Variants in PRICKLE2 observed in about 807,000 individuals in gnomAD.
PRICKLE2 encodes the protein prickle planar cell polarity protein 2.
Under a neutral mutation model 81.4 loss-of-function variants are expected in PRICKLE2, and 21 were observed. The ratio of observed to expected loss-of-function variants is 0.26; its 90% CI spans 0.18 to 0.37. The LOEUF is 0.37. Among genes scored for constraint, PRICKLE2 ranks in the 10% least tolerant of loss-of-function variants. PRICKLE2 has a pLI of 1.00. For missense variants in PRICKLE2, 940 were observed against 1,109.0 expected (o/e 0.85, Z 2.16); for synonymous variants, 456 against 421.5 (o/e 1.08, Z -1.00).
At chr3:64,220,320 G>T (rs189572592) in intron 1 of PRICKLE2, among the ~76,000 whole-genome samples, 6 of 152,292 alleles carry the variant, frequency 3.9e-5, no homozygotes, top group African/African-American at 1.4e-4. Flanking sequence ...TATTTACAAG[G>T]TTTGATTTTA....
At position 64,163,075 on chromosome 3, in the gene PRICKLE2, G is replaced by T. The variant is rs2077761083; in HGVS notation, c.199C>A (p.Pro67Thr). Residue 67 changes from proline (P) to threonine (T), a missense_variant, in exon 3 of 8, where the codon CCT becomes ACT. Pro to Thr is a conservative substitution (Grantham distance 38). Transcript: ENST00000638394. ...TGCTTGATTCGCAGTTTCTCTCCAG[G>T]ACTGTTGACATAAGGGACTTTCTCT... The part of the protein sequence containing the change: ...PEEKVPYVNS[P>T]GEKLRIKQLL... The T allele has an allele frequency of 6.2e-7, 1 of 1,613,986 alleles. No homozygotes were observed.
chr3:64,094,231 C>A lies in PRICKLE2; in HGVS notation c.*4820G>T, dbSNP rs1407307790. On this transcript the variant is annotated 3_prime_UTR_variant, in exon 8 of 8. Coordinates refer to ENST00000638394, the MANE Select transcript of PRICKLE2 (RefSeq NM_198859.4). The stretch of plus-strand genomic sequence containing the variant: ...AAAAATGGAGGACTCATAGTCCTTA[C>A]AATGTTAAGTCAGGGTCTATGACAG... 6.6e-6 allele frequency: 1 copy of A among 152,154 alleles called. No individual in the cohort carries two copies. The highest frequency in any genetic ancestry group is 1.5e-5 in the Non-Finnish European group (1 of 68,020). The allele number at this position is 152,154 out of a possible 1,614,324, so 9.4% of individuals were successfully genotyped here.
At position 64,097,323 on chromosome 3, in the gene PRICKLE2, T is replaced by A. The variant is rs1330367810; in HGVS notation, c.*1728A>T. ...AATGCCACTTTTGACATTCTCTCCA[T>A]AAAAAATACTAGAAAATGTTAACTA... On this transcript the variant is annotated 3_prime_UTR_variant, in exon 8 of 8. Coordinates refer to ENST00000638394, the MANE Select transcript of PRICKLE2 (RefSeq NM_198859.4). 6.6e-6 allele frequency: 1 copy of A among 152,494 alleles called. No individual in the cohort carries two copies. Among genetic ancestry groups the A allele is most frequent in the African/African-American group, 2.4e-5 (1 of 41,378 alleles). 9.4% of individuals were successfully genotyped at this position (152,494 alleles called of 1,614,324 possible).
intron 2 of PRICKLE2, among the ~76,000 whole-genome samples, chr3:64,251,280 G>T (rs112017313): frequency 6.6e-6 from 1 of 152,128 alleles, no homozygotes; most frequent in South Asian, 2.1e-4. Context: ...CCTGCTCCAC[G>T]CAAACACAAA....
intron 3 of PRICKLE2, 102 bp from the exon 4 acceptor site, chr3:64,160,179 G>T: frequency 7.7e-7 from 1 of 1,303,518 alleles, no homozygotes; most frequent in South Asian, 1.2e-5. Flanking sequence ...CTCTCATTTG[G>T]TTTTATAGCC....
chr3:64,195,684 A>C (rs963565684), intron 2 of PRICKLE2, among the ~76,000 whole-genome samples: 3 of 152,208 alleles, frequency 2.0e-5, no homozygotes, highest in East Asian at 3.8e-4. Context: ...CTAAAAAAAA[A>C]CCTTTAAATT....
chr3:64,194,431 T>TC (rs2078409986), intron 2 of PRICKLE2: 1 of 152,148 alleles, frequency 6.6e-6, no homozygotes, highest in Non-Finnish European at 1.5e-5. Flanking sequence ...ATCCTCCTAT[T>TC]CCCCAGGAAC....
chr3:64,160,188 C>T, intron 3 of PRICKLE2, 111 bp from the exon 4 acceptor site: 3 of 1,195,906 alleles, frequency 2.5e-6, no homozygotes, highest in Non-Finnish European at 2.5e-6. Flanking sequence ...GGTTTTATAG[C>T]CCTCGCCTGA....
intron 2 of PRICKLE2, among the ~76,000 whole-genome samples, chr3:64,265,705 A>G (rs2079693864): frequency 6.6e-6 from 1 of 152,206 alleles, no homozygotes; most frequent in Admixed American, 6.5e-5. Flanking sequence ...CCTGCTCTGC[A>G]AACAGCTCCA....
At chr3:64,103,614 A>T (rs917349984) in intron 7 of PRICKLE2, 6 of 152,186 alleles carry the variant, frequency 3.9e-5, no homozygotes, top group African/African-American at 1.4e-4. Flanking sequence ...GTAAAAATTC[A>T]CTGAGATGTA....
intron 6 of PRICKLE2, among the ~76,000 whole-genome samples, chr3:64,152,846 C>T (rs181430467): frequency 6.6e-6 from 1 of 152,288 alleles, no homozygotes; most frequent in African/African-American, 2.4e-5. Context: ...CACAGTTCCT[C>T]TCCTTTTGAG....
intron 2 of PRICKLE2, among the ~76,000 whole-genome samples, chr3:64,183,686 G>C (rs1163454526): frequency 2.0e-5 from 3 of 152,148 alleles, no homozygotes; most frequent in Non-Finnish European, 4.4e-5. Context: ...TAACAATTTG[G>C]AAACATTGCC....
At chr3:64,149,928 G>A (rs1313977846) in intron 6 of PRICKLE2, among the ~76,000 whole-genome samples, 2 of 151,518 alleles carry the variant, frequency 1.3e-5, no homozygotes, top group African/African-American at 4.9e-5. Context: ...CACCCCAAGT[G>A]GGAGACAGGA....
rs1178047995 is a variant in PRICKLE2, at chr3:64,110,325, G to C, written c.1661-10400C>G. Among the ~76,000 whole-genome samples the C allele has an allele frequency of 2.0e-5, 3 of 152,194 alleles. 1 individual carries two copies. In the South Asian group the frequency reaches 6.2e-4, roughly 31 times the overall value. On this transcript the variant is annotated intron_variant, in intron 7 of 7. Transcript: ENST00000638394. ...ACAAAAGCTAAATGGCTCCCAAGTGGTAGAGAGTGGGCAGCCAAGAACCTG... is the reference window on the plus strand; with the variant it reads ...ACAAAAGCTAAATGGCTCCCAAGTGCTAGAGAGTGGGCAGCCAAGAACCTG...
intron 2 of PRICKLE2, among the ~76,000 whole-genome samples, chr3:64,240,876 T>G (rs1326110827): frequency 6.6e-6 from 1 of 152,090 alleles, no homozygotes; most frequent in Non-Finnish European, 1.5e-5. Flanking sequence ...CCCCAACAAC[T>G]TCTTTTTATG....
chr3:64,099,094 T>C lies in PRICKLE2; in HGVS notation c.2492A>G (p.His831Arg). ...TTTGCTCTTCTGTCTTTTCCTGCTG[T>C]GCAACTGTCCTCTGCCACCTAATGT... is the stretch of plus-strand genomic sequence containing the variant. ...SSTLGGRGQL[H>R]SRKRQKSKNC... is the part of the protein sequence containing the mutation. The change falls in exon 8 of 8, where the codon CAC becomes CGC. Residue 831 changes from histidine (H) to arginine (R), a missense_variant. His to Arg is a conservative substitution (Grantham distance 29, BLOSUM62 0). Around this residue, in one of 2 missense-constraint regions of PRICKLE2, gnomAD observed 670 missense variants for 717.2 expected, o/e 0.93. Transcript: ENST00000638394. This position sits in a 1 kb window ranked among gnomAD's most constrained non-coding sequence, Gnocchi z 4.3. The C allele has an allele frequency of 6.2e-7, 1 of 1,614,240 alleles. No individual in the cohort carries two copies. Among genetic ancestry groups the C allele is most frequent in the Non-Finnish European group, 8.5e-7 (1 of 1,180,040 alleles).
At chr3:64,214,405 G>A (rs2078840344) in intron 1 of PRICKLE2, among the ~76,000 whole-genome samples, 1 of 152,204 alleles carries the variant, frequency 6.6e-6, no homozygotes, top group African/African-American at 2.4e-5. Context: ...AACAGGGAAA[G>A]ACATTATTTT....
intron 2 of PRICKLE2, chr3:64,267,955 G>C (rs1001635699): frequency 4.6e-5 from 7 of 152,222 alleles, no homozygotes; most frequent in East Asian, 3.9e-4. Context: ...CCGGGAAACT[G>C]CGGGGGAGCC....
At chr3:64,205,772 A>G (rs955516809) in intron 1 of PRICKLE2, among the ~76,000 whole-genome samples, 5 of 152,152 alleles carry the variant, frequency 3.3e-5, no homozygotes, top group Non-Finnish European at 5.9e-5. Flanking sequence ...ACATTTTGTA[A>G]AAGAATTCAT....
Sources: allele counts gnomAD v4.1 joint callset (sites outside exome capture counted in the v4.1 genomes callset), GRCh38; gene constraint gnomAD v4.1.1; regional missense constraint gnomAD v4.1.1; non-coding constraint Gnocchi (gnomAD v3.1); transcripts MANE v1.5; gene names NCBI Gene and HGNC (gene_info 2026-07-23, HGNC 2026-07-21).